Variants in KCNH8 observed in about 807,000 individuals in gnomAD.
KCNH8 encodes the protein potassium voltage-gated channel subfamily H member 8, also known as voltage-gated delayed rectifier potassium channel KCNH8.
Under a neutral mutation model 103.6 loss-of-function variants are expected in KCNH8, and 70 were observed. The observed-to-expected ratio is 0.68, with a 90% CI of 0.56 to 0.82. The LOEUF (loss-of-function observed/expected upper bound fraction) is 0.82, where lower values mean the gene tolerates loss of function less well. Ranked by LOEUF, KCNH8 falls within the 40% of genes least tolerant of loss-of-function variation. The pLI is 0.00. For synonymous variants in KCNH8, 498 were observed against 489.4 expected (o/e 1.02, Z -0.23); for missense variants, 1,217 against 1,329.9 (o/e 0.92, Z 1.32).
intron 8 of KCNH8, among the ~76,000 whole-genome samples, chr3:19,447,279 A>G (rs1350705747): frequency 6.6e-6 from 1 of 152,020 alleles, no homozygotes; most frequent in African/African-American, 2.4e-5. Flanking sequence ...TTAACTACTT[A>G]AATTAGAAGT....
Position 19,263,811 on chromosome 3 carries a change from T to C in KCNH8, c.310+9924T>C, listed in dbSNP as rs138549114. Among the ~76,000 whole-genome samples the C allele has an allele frequency of 2.0e-5, 3 of 152,212 alleles. No homozygotes were observed. The East Asian group carries it at 5.8e-4, about 29-fold the overall frequency. ...GTGCAGTTGTGTTGCACAACTTCAA[T>C]ATCTAGTTTCCTAGAAACACATTTG... On this transcript the variant is annotated intron_variant, in intron 2 of 15. Coordinates refer to ENST00000328405, the MANE Select transcript of KCNH8 (RefSeq NM_144633.3).
At position 19,373,886 on chromosome 3, in the gene KCNH8, C is replaced by T. The variant is rs2066146108; in HGVS notation, c.812-16595C>T. Reference sequence around the variant, plus strand: ...TATGTACCCATTAGTCATTCAGGAGCAGGTTGTTCAGTTTCCATGTAGTTG... The same window carrying T: ...TATGTACCCATTAGTCATTCAGGAGTAGGTTGTTCAGTTTCCATGTAGTTG... On this transcript the variant is annotated intron_variant, in intron 5 of 15. Coordinates refer to ENST00000328405, the MANE Select transcript of KCNH8 (RefSeq NM_144633.3). Among the ~76,000 whole-genome samples the T allele has an allele frequency of 2.0e-5, 3 of 152,074 alleles. No homozygotes were observed. In the South Asian group the frequency reaches 6.2e-4, roughly 32 times the overall value.
chr3:19,241,803 G>A (rs2064145992), intron 1 of KCNH8, among the ~76,000 whole-genome samples: 1 of 152,080 alleles, frequency 6.6e-6, no homozygotes, highest in Non-Finnish European at 1.5e-5. Context: ...ACAGTTGAGT[G>A]TGCATTAATA....
At chr3:19,245,164 C>T (rs1303655685) in intron 1 of KCNH8, among the ~76,000 whole-genome samples, 1 of 152,086 alleles carries the variant, frequency 6.6e-6, no homozygotes, top group Non-Finnish European at 1.5e-5. Context: ...CAATTTCTTT[C>T]TTCTGCATAT....
chr3:19,530,885 G>C (rs2069148416), intron 15 of KCNH8, among the ~76,000 whole-genome samples: 1 of 152,130 alleles, frequency 6.6e-6, no homozygotes, highest in African/African-American at 2.4e-5. Flanking sequence ...CCTTAAAAAT[G>C]TCCTTTCACC....
intron 7 of KCNH8, among the ~76,000 whole-genome samples, chr3:19,433,071 T>A (rs151017709): frequency 3.3e-5 from 5 of 152,290 alleles, no homozygotes; most frequent in African/African-American, 1.2e-4. Flanking sequence ...TACTGTACAA[T>A]CTTTCAATTC....
chr3:19,363,687 C>T lies in KCNH8; in HGVS notation c.811+15722C>T, dbSNP rs560343173. ...ACTCTACTCATATCAATGCTTGTTA[C>T]ACTAGTAGCCCCCAAAAAGGTACTT... On this transcript the variant is annotated intron_variant, in intron 5 of 15. Transcript: ENST00000328405. Among the ~76,000 whole-genome samples the T allele has an allele frequency of 2.0e-5, 3 of 152,224 alleles. No homozygotes were observed. In the East Asian group the frequency reaches 5.8e-4, roughly 29 times the overall value.
chr3:19,217,684 G>T (rs2125229137), intron 1 of KCNH8, among the ~76,000 whole-genome samples: 1 of 152,270 alleles, frequency 6.6e-6, no homozygotes, highest in South Asian at 2.1e-4. Flanking sequence ...AAGCTGTCCA[G>T]CTGGGATTCT....
chr3:19,512,888 CTAA>C (rs1270457900), intron 12 of KCNH8, 79 bp from the exon 13 acceptor site: 24 of 1,225,846 alleles, frequency 2.0e-5, no homozygotes, highest in Non-Finnish European at 1.2e-5. Context: ...TGACTTTGTT[CTAA>C]TGAGACCTCC....
At chr3:19,475,717 G>A (rs1211402187) in intron 11 of KCNH8, among the ~76,000 whole-genome samples, 2 of 152,134 alleles carry the variant, frequency 1.3e-5, no homozygotes, top group East Asian at 1.9e-4. Flanking sequence ...GAAAGAGACC[G>A]AGGGAAGGAA....
At chr3:19,149,850 T>C (rs1483216605) in intron 1 of KCNH8, among the ~76,000 whole-genome samples, 3 of 152,258 alleles carry the variant, frequency 2.0e-5, no homozygotes, top group Non-Finnish European at 4.4e-5. Flanking sequence ...GCTTTTACTC[T>C]GTATATTTCT....
At chr3:19,517,929 A>G (rs748132922) in intron 14 of KCNH8, 69 bp from the exon 15 acceptor site, 30 of 1,240,962 alleles carry the variant, frequency 2.4e-5, no homozygotes, top group Non-Finnish European at 3.4e-5. Context: ...TTCATATTCT[A>G]ATTGCCTCGA....
chr3:19,206,261 A>G (rs931563619), intron 1 of KCNH8, among the ~76,000 whole-genome samples: 1 of 136,380 alleles, frequency 7.3e-6, no homozygotes, highest in Non-Finnish European at 1.5e-5. Flanking sequence ...ATAGATATAT[A>G]TATATCTATC....
At chr3:19,188,311 G>A (rs568320406) in intron 1 of KCNH8, among the ~76,000 whole-genome samples, 1 of 152,176 alleles carries the variant, frequency 6.6e-6, no homozygotes, top group East Asian at 1.9e-4. Context: ...CAGAGATATT[G>A]GCAATCTTTC....
At chr3:19,441,362 CA>C (rs2067281498) in intron 8 of KCNH8, among the ~76,000 whole-genome samples, 1 of 152,140 alleles carries the variant, frequency 6.6e-6, no homozygotes, top group Non-Finnish European at 1.5e-5. Context: ...TTCAGCCTTC[CA>C]ACCCCAGGAA....
At chr3:19,326,951 T>G (rs2065432338) in intron 3 of KCNH8, among the ~76,000 whole-genome samples, 1 of 152,166 alleles carries the variant, frequency 6.6e-6, no homozygotes, top group Non-Finnish European at 1.5e-5. Context: ...TTCATTGATA[T>G]ATCTGGTGTC....
At chr3:19,364,183 G>C (rs1179366185) in intron 5 of KCNH8, among the ~76,000 whole-genome samples, 1 of 151,934 alleles carries the variant, frequency 6.6e-6, no homozygotes, top group Non-Finnish European at 1.5e-5. Flanking sequence ...TTAGATATAA[G>C]GTGGCAATGG....
At chr3:19,171,410 A>G (rs1208204588) in intron 1 of KCNH8, among the ~76,000 whole-genome samples, 2 of 152,126 alleles carry the variant, frequency 1.3e-5, no homozygotes, top group Non-Finnish European at 2.9e-5. Flanking sequence ...TTTATTTCTC[A>G]GTGACTAGAG....
chr3:19,485,532 C>T (rs2068186720), intron 11 of KCNH8, among the ~76,000 whole-genome samples: 1 of 152,204 alleles, frequency 6.6e-6, no homozygotes, highest in African/African-American at 2.4e-5. Context: ...TAGTTTTGTG[C>T]ACGGCCAATA....
Sources: gnomAD v4.1 joint callset for allele counts (sites outside exome capture counted in the v4.1 genomes callset) on GRCh38, gnomAD v4.1.1 for gene constraint, MANE v1.5 for transcripts, NCBI Gene and HGNC (gene_info 2026-07-23, HGNC 2026-07-21) for gene names.